Variants in UNC5C observed in about 807,000 individuals in gnomAD.
The protein encoded by UNC5C is unc-5 netrin receptor C, also known as netrin receptor UNC5C.
UNC5C carries 47 observed loss-of-function variants against 99.8 expected under a neutral mutation model. The ratio of observed to expected loss-of-function variants is 0.47; its 90% CI spans 0.37 to 0.60. The LOEUF is 0.60. Among genes scored for constraint, UNC5C ranks in the 20% least tolerant of loss-of-function variants. UNC5C has a pLI of 0.00. For missense variants in UNC5C, 1,062 were observed against 1,165.9 expected (o/e 0.91, Z 1.30); for synonymous variants, 487 against 452.2 (o/e 1.08, Z -0.98).
At chr4:95,439,684 G>A (rs1406070815) in intron 1 of UNC5C, among the ~76,000 whole-genome samples, 5 of 152,062 alleles carry the variant, frequency 3.3e-5, no homozygotes, top group African/African-American at 1.2e-4. Flanking sequence ...GGTGTTTTGG[G>A]AAAAAAGGTG....
intron 1 of UNC5C, among the ~76,000 whole-genome samples, chr4:95,429,459 C>T (rs1703959424): frequency 6.6e-6 from 1 of 151,766 alleles, no homozygotes; most frequent in Non-Finnish European, 1.5e-5. Context: ...AAGAAATTAA[C>T]TATAAGAAAA....
chr4:95,517,323 T>C (rs2865467), intron 1 of UNC5C, among the ~76,000 whole-genome samples: 53,137 of 151,956 alleles, frequency 0.35, 10,645 homozygotes, highest in East Asian at 0.51. Context: ...AATCCATGAA[T>C]TAGGGGATTT....
intron 1 of UNC5C, among the ~76,000 whole-genome samples, chr4:95,467,397 A>G (rs1280565017): frequency 6.6e-6 from 1 of 152,152 alleles, no homozygotes; most frequent in African/African-American, 2.4e-5. Flanking sequence ...TATAAAGATC[A>G]ACCCACAGAT....
At chr4:95,332,598 G>C (rs1743160879) in intron 2 of UNC5C, among the ~76,000 whole-genome samples, 1 of 151,510 alleles carries the variant, frequency 6.6e-6, no homozygotes, top group Non-Finnish European at 1.5e-5. Flanking sequence ...TTAAACGTTA[G>C]ACCTAAAAGC....
chr4:95,253,943 T>G (rs1489800735), intron 4 of UNC5C, among the ~76,000 whole-genome samples: 1 of 152,204 alleles, frequency 6.6e-6, no homozygotes, highest in Non-Finnish European at 1.5e-5. Context: ...CTTTTTAGAT[T>G]GTTTCCTTTA....
At chr4:95,227,144 T>G (rs972845747) in intron 7 of UNC5C, among the ~76,000 whole-genome samples, 7 of 151,996 alleles carry the variant, frequency 4.6e-5, no homozygotes, top group African/African-American at 7.3e-5. Context: ...ACAATGTTTT[T>G]TTTTTTTTTT....
intron 1 of UNC5C, among the ~76,000 whole-genome samples, chr4:95,350,480 C>A (rs945654557): frequency 1.5e-5 from 1 of 66,552 alleles, no homozygotes; most frequent in African/African-American, 4.1e-5. Context: ...AGCAAGACTC[C>A]GTCTCAAAAA....
chr4:95,282,272 T>A (rs1022404953), intron 3 of UNC5C, among the ~76,000 whole-genome samples: 1 of 151,302 alleles, frequency 6.6e-6, no homozygotes, highest in Non-Finnish European at 1.5e-5. Flanking sequence ...AATGGGGAGG[T>A]CAATAGGAGA....
chr4:95,485,685 C>A (rs576877552), intron 1 of UNC5C, among the ~76,000 whole-genome samples: 19 of 151,814 alleles, frequency 1.3e-4, no homozygotes, highest in African/African-American at 4.6e-4. Context: ...TATTAGTTAT[C>A]ATTCTTAAAG....
intron 1 of UNC5C, among the ~76,000 whole-genome samples, chr4:95,337,877 T>C (rs558185139): frequency 2.0e-4 from 31 of 152,120 alleles, no homozygotes; most frequent in African/African-American, 4.8e-5. Flanking sequence ...GTTAAAAGTT[T>C]ATCTAGAGAG....
rs1473225781 is a variant in UNC5C at position 95,169,020 on chromosome 4, A to G, written c.*214T>C. ...GGTTGATAGCTAAATTCAAGGTACA[A>G]ATTTACACAATTTTTCTTAACTCCC... On this transcript the variant is annotated 3_prime_UTR_variant, in exon 16 of 16. Transcript: ENST00000453304. The G allele has an allele frequency of 3.5e-6, 2 of 568,790 alleles. No homozygotes were observed. Among genetic ancestry groups the G allele is most frequent in the African/African-American group, 3.7e-5 (2 of 53,656 alleles). 35.2% of individuals were successfully genotyped at this position (568,790 alleles called of 1,614,324 possible).
At chr4:95,478,873 T>C (rs552034010) in intron 1 of UNC5C, among the ~76,000 whole-genome samples, 2 of 151,996 alleles carry the variant, frequency 1.3e-5, no homozygotes, top group Admixed American at 1.3e-4. Context: ...TTTATCATGG[T>C]AATCAGCAAG....
At chr4:95,270,246 T>G (rs1740609651) in intron 4 of UNC5C, among the ~76,000 whole-genome samples, 1 of 152,208 alleles carries the variant, frequency 6.6e-6, no homozygotes, top group Admixed American at 6.5e-5. Flanking sequence ...CAGAGGCTAC[T>G]TTGTAGATTT....
intron 7 of UNC5C, among the ~76,000 whole-genome samples, chr4:95,226,760 G>C (rs535455838): frequency 6.6e-6 from 1 of 152,260 alleles, no homozygotes; most frequent in Admixed American, 6.5e-5. Flanking sequence ...ATGGTAAAAA[G>C]GTATCTCAAC....
chr4:95,496,926 A>C (rs1721645946), intron 1 of UNC5C, among the ~76,000 whole-genome samples: 1 of 151,904 alleles, frequency 6.6e-6, no homozygotes, highest in South Asian at 2.1e-4. Flanking sequence ...GAGAAAATAC[A>C]ACATTTGGCT....
chr4:95,448,151 G>A (rs892117245), intron 1 of UNC5C, among the ~76,000 whole-genome samples: 6 of 151,530 alleles, frequency 4.0e-5, no homozygotes, highest in Admixed American at 6.6e-5. Flanking sequence ...GAAAATGGTG[G>A]TGATGTTAGC....
chr4:95,187,340 C>G (rs1736871051), intron 12 of UNC5C, among the ~76,000 whole-genome samples: 1 of 152,134 alleles, frequency 6.6e-6, no homozygotes, highest in South Asian at 2.1e-4. Context: ...TAGTAATTAT[C>G]TGATTACTAT....
intron 12 of UNC5C, among the ~76,000 whole-genome samples, chr4:95,188,028 T>A (rs1264880414): frequency 1.3e-5 from 2 of 152,354 alleles, no homozygotes; most frequent in Middle Eastern, 3.4e-3. Context: ...AGTATGTTAA[T>A]ATATTGCATT....
chr4:95,263,761 G>T (rs1036358803), intron 4 of UNC5C, among the ~76,000 whole-genome samples: 2 of 152,118 alleles, frequency 1.3e-5, no homozygotes, highest in African/African-American at 4.8e-5. Context: ...TCCTCATAAG[G>T]TTCTTGTGAG....
Sources: allele counts gnomAD v4.1 joint callset (sites outside exome capture counted in the v4.1 genomes callset), GRCh38; gene constraint gnomAD v4.1.1; transcripts MANE v1.5; gene names NCBI Gene and HGNC (gene_info 2026-07-23, HGNC 2026-07-21).